Variants in CNTNAP5 observed in about 807,000 individuals in gnomAD.
The protein encoded by CNTNAP5 is contactin-associated protein-like 5.
CNTNAP5 carries 72 observed loss-of-function variants against 150.2 expected under a neutral mutation model. That is an observed-to-expected ratio of 0.48 (90% CI 0.40 to 0.58). The LOEUF is 0.58. Ranked by LOEUF, CNTNAP5 falls within the 20% of genes least tolerant of loss-of-function variation. The pLI, the probability that CNTNAP5 is intolerant of heterozygous loss-of-function variation, is 0.00. For synonymous variants in CNTNAP5, 672 were observed against 619.8 expected, an observed-to-expected ratio of 1.08 and a Z score of -1.25; for missense variants, 1,636 against 1,626.2, an observed-to-expected ratio of 1.01 and a Z score of -0.10.
At chr2:124,556,346 T>C (rs1224569215) in intron 10 of CNTNAP5, among the ~76,000 whole-genome samples, 2 of 152,168 alleles carry the variant, frequency 1.3e-5, no homozygotes, top group African/African-American at 4.8e-5. Context: ...GTCAAAGTTT[T>C]TTCAAGCTTC....
At chr2:124,747,903 C>G (rs1045124861) in intron 14 of CNTNAP5, among the ~76,000 whole-genome samples, 6 of 143,614 alleles carry the variant, frequency 4.2e-5, no homozygotes, top group African/African-American at 1.6e-4. Flanking sequence ...TCCCAAAGTG[C>G]TGGGATTACA....
At chr2:124,859,718 A>T (rs539837168) in intron 19 of CNTNAP5, among the ~76,000 whole-genome samples, 1 of 152,320 alleles carries the variant, frequency 6.6e-6, no homozygotes, top group African/African-American at 2.4e-5. Context: ...ACCATGGAAT[A>T]CTATGCAGCC....
At chr2:124,381,344 G>A (rs1690790547) in intron 3 of CNTNAP5, among the ~76,000 whole-genome samples, 1 of 152,144 alleles carries the variant, frequency 6.6e-6, no homozygotes, top group Non-Finnish European at 1.5e-5. Context: ...TGGGAGGATG[G>A]ACAGCAGGCA....
At chr2:124,792,486 GC>G (rs1320784784) in intron 18 of CNTNAP5, among the ~76,000 whole-genome samples, 2 of 152,046 alleles carry the variant, frequency 1.3e-5, no homozygotes, top group African/African-American at 2.4e-5. Flanking sequence ...CAAATACAGA[GC>G]TTTTGTTTTG....
chr2:124,136,614 G>A (rs1683980697), intron 1 of CNTNAP5, among the ~76,000 whole-genome samples: 1 of 152,144 alleles, frequency 6.6e-6, no homozygotes, highest in Non-Finnish European at 1.5e-5. Context: ...GTTTGTTCAG[G>A]TACTTGACGT....
intron 3 of CNTNAP5, among the ~76,000 whole-genome samples, chr2:124,310,696 G>A (rs1285890981): frequency 6.6e-6 from 1 of 152,052 alleles, no homozygotes; most frequent in Admixed American, 6.5e-5. Flanking sequence ...GGGATTTATG[G>A]AAATTTTCAT....
intron 3 of CNTNAP5, among the ~76,000 whole-genome samples, chr2:124,355,536 A>C (rs1689976300): frequency 6.6e-6 from 1 of 152,116 alleles, no homozygotes; most frequent in South Asian, 2.1e-4. Context: ...TGTATGCTGC[A>C]TGATTTGTCT....
intron 3 of CNTNAP5, among the ~76,000 whole-genome samples, chr2:124,341,663 G>C (rs1689618010): frequency 6.6e-6 from 1 of 152,270 alleles, no homozygotes; most frequent in Admixed American, 6.5e-5. Context: ...AACAAAGGTT[G>C]AAGTCTGCGG....
At chr2:124,295,253 C>G (rs1435612677) in intron 3 of CNTNAP5, among the ~76,000 whole-genome samples, 2 of 94,768 alleles carry the variant, frequency 2.1e-5, no homozygotes, top group African/African-American at 8.3e-5. Context: ...CAATTTGGAT[C>G]GCTACTAACT....
At chr2:124,598,910 G>C (rs1348498968) in intron 11 of CNTNAP5, among the ~76,000 whole-genome samples, 15 of 152,148 alleles carry the variant, frequency 9.9e-5, no homozygotes, top group Non-Finnish European at 1.5e-5. Flanking sequence ...CGATTTTCCA[G>C]GTGCGTCCGT....
chr2:124,206,754 G>T (rs991124414), intron 1 of CNTNAP5, among the ~76,000 whole-genome samples: 9 of 152,136 alleles, frequency 5.9e-5, no homozygotes, highest in African/African-American at 2.2e-4. Context: ...AGTTTGAGAA[G>T]CTCTGTCCCA....
rs760308506 is a variant in CNTNAP5, at chr2:124,647,829, A to G, written c.1948A>G (p.Lys650Glu). 1 of 1,613,558 alleles carries G rather than the reference A, an allele frequency of 6.2e-7. No homozygotes were observed. Reference sequence around the variant, plus strand: ...CCGAGTGCGGGGCGCTAACCCTGAGAAGCCCTATGCCATGGCCTTGGACTA... The same window carrying G: ...CCGAGTGCGGGGCGCTAACCCTGAGGAGCCCTATGCCATGGCCTTGGACTA... ...LTRVRGANPE[K>E]PYAMALDYGG... The change falls in exon 13 of 24, where the codon AAG (lysine) becomes GAG (glutamate). Residue 650 changes from lysine to glutamate, a missense_variant. Lys to Glu is a moderately conservative substitution (Grantham distance 56). Coordinates refer to ENST00000682447, the MANE Select transcript of CNTNAP5 (RefSeq NM_001367498.1).
chr2:124,534,516 T>C (rs966245656), intron 10 of CNTNAP5, among the ~76,000 whole-genome samples: 1 of 152,202 alleles, frequency 6.6e-6, no homozygotes, highest in Non-Finnish European at 1.5e-5. Context: ...AACTTCCAGA[T>C]GTTGCCATGG....
intron 3 of CNTNAP5, among the ~76,000 whole-genome samples, chr2:124,385,402 T>G (rs1157247144): frequency 6.6e-6 from 1 of 152,194 alleles, no homozygotes; most frequent in Non-Finnish European, 1.5e-5. Flanking sequence ...ATGCCTATTA[T>G]CTCTGGCACC....
chr2:124,313,495 G>A (rs559622645), intron 3 of CNTNAP5, among the ~76,000 whole-genome samples: 1 of 152,140 alleles, frequency 6.6e-6, no homozygotes, highest in Non-Finnish European at 1.5e-5. Context: ...CACTATTTTT[G>A]TTCACAGAAT....
intron 21 of CNTNAP5, among the ~76,000 whole-genome samples, chr2:124,878,515 T>C (rs1003701899): frequency 2.6e-5 from 4 of 152,048 alleles, no homozygotes; most frequent in African/African-American, 9.7e-5. Flanking sequence ...TTTTGGACTC[T>C]AATTGCCTTC....
chr2:124,175,417 G>C lies in CNTNAP5; in HGVS notation c.83-46288G>C, dbSNP rs560080316. On this transcript the variant is annotated intron_variant, in intron 1 of 23. Transcript: ENST00000682447. Reference sequence around the variant, plus strand: ...ATAATTTTTTTGCCAAATAATATCCGTATATTCTCCTGTGATCTTTTTTAT... The same window carrying C: ...ATAATTTTTTTGCCAAATAATATCCCTATATTCTCCTGTGATCTTTTTTAT... 4.6e-5 allele frequency among the ~76,000 whole-genome samples: 7 copies of C among 151,788 alleles called. No homozygotes were observed. The South Asian group carries it at 1.5e-3, about 32-fold the overall frequency.
intron 13 of CNTNAP5, among the ~76,000 whole-genome samples, chr2:124,683,975 G>A (rs1182662301): frequency 6.6e-6 from 1 of 152,158 alleles, no homozygotes; most frequent in Non-Finnish European, 1.5e-5. Context: ...CACAAGGCCT[G>A]GGGATGCTTC....
chr2:124,702,584 T>C (rs17321135), intron 13 of CNTNAP5, among the ~76,000 whole-genome samples: 57,502 of 151,390 alleles, frequency 0.38, 11,126 homozygotes, highest in Non-Finnish European at 0.42. Context: ...ATTCCATGGC[T>C]GTTGAGTTTA....
Sources: allele counts gnomAD v4.1 joint callset (sites outside exome capture counted in the v4.1 genomes callset), GRCh38; gene constraint gnomAD v4.1.1; transcripts MANE v1.5; gene names NCBI Gene and HGNC (gene_info 2026-07-23, HGNC 2026-07-21).